ERC2: variants seen among roughly 807,000 people sequenced by gnomAD.
ERC2 encodes ELKS/RAB6-interacting/CAST family member 2, also known as ERC protein 2.
In ERC2, 42 loss-of-function variants were observed where a neutral mutation model predicts 114.8. The observed-to-expected ratio is 0.37, with a 90% CI of 0.29 to 0.47. ERC2 has a LOEUF of 0.47. Ranked by LOEUF, ERC2 falls within the 20% of genes least tolerant of loss-of-function variation. ERC2 has a pLI of 0.99. For synonymous variants in ERC2, 454 were observed against 425.5 expected, an observed-to-expected ratio of 1.07 and a Z score of -0.82; for missense variants, 939 against 1,150.7, an observed-to-expected ratio of 0.82 and a Z score of 2.66.
chr3:56,070,026 T>C (rs2076656110), intron 7 of ERC2, among the ~76,000 whole-genome samples: 1 of 152,220 alleles, frequency 6.6e-6, no homozygotes, highest in African/African-American at 2.4e-5. Context: ...CACATTACCC[T>C]TACTTTACAT....
At chr3:56,344,506 C>A (rs1476209548) in intron 2 of ERC2, among the ~76,000 whole-genome samples, 2 of 152,194 alleles carry the variant, frequency 1.3e-5, no homozygotes, top group African/African-American at 4.8e-5. Context: ...GAGTTCCTCA[C>A]CCGCCACACC....
intron 14 of ERC2, among the ~76,000 whole-genome samples, chr3:55,833,877 G>C (rs1024452276): frequency 2.6e-5 from 4 of 152,110 alleles, no homozygotes; most frequent in African/African-American, 7.2e-5. Context: ...CTCATGTGCA[G>C]AGACACACAT....
intron 7 of ERC2, among the ~76,000 whole-genome samples, chr3:56,057,932 C>T (rs1327976317): frequency 6.6e-6 from 1 of 151,992 alleles, no homozygotes; most frequent in Non-Finnish European, 1.5e-5. Flanking sequence ...TATAAATATT[C>T]AAATATGAGA....
intron 17 of ERC2, among the ~76,000 whole-genome samples, chr3:55,542,296 C>T (rs1241257570): frequency 6.6e-6 from 1 of 152,064 alleles, no homozygotes; most frequent in Admixed American, 6.5e-5. Flanking sequence ...GGAACATTGC[C>T]CAAGATGGTA....
chr3:56,316,174 C>CA lies in ERC2; in HGVS notation c.658-19740dup, dbSNP rs1483336797. Among the ~76,000 whole-genome samples the CA allele has an allele frequency of 4.6e-5, 7 of 152,124 alleles. No homozygotes were observed. The East Asian group carries it at 1.4e-3, about 29-fold the overall frequency. ...TGTGGACTAGGAGAAGAGTGAGGCA[C>CA]AAAACCAGCAGAAACAAAGGCCTGC... On this transcript the variant is annotated intron_variant, in intron 2 of 17. Transcript: ENST00000288221.
At chr3:55,770,647 T>C (rs969810022) in intron 14 of ERC2, among the ~76,000 whole-genome samples, 2 of 152,220 alleles carry the variant, frequency 1.3e-5, no homozygotes, top group Non-Finnish European at 2.9e-5. Flanking sequence ...TACTTTAAGT[T>C]CTGGGATACA....
chr3:56,275,077 G>GGCC (rs2053906381), intron 3 of ERC2, among the ~76,000 whole-genome samples: 1 of 152,102 alleles, frequency 6.6e-6, no homozygotes, highest in South Asian at 2.1e-4. Flanking sequence ...AATGAGACCA[G>GGCC]TAAGAGTTCA....
intron 17 of ERC2, among the ~76,000 whole-genome samples, chr3:55,593,214 A>C (rs191058075): frequency 1.3e-5 from 2 of 152,310 alleles, no homozygotes; most frequent in East Asian, 3.9e-4. Context: ...GTGTTTTAGC[A>C]TCATCCTTGC....
At chr3:56,089,136 G>C (rs1010500969) in intron 6 of ERC2, among the ~76,000 whole-genome samples, 1 of 152,110 alleles carries the variant, frequency 6.6e-6, no homozygotes, top group African/African-American at 2.4e-5. Context: ...TTACCCAACT[G>C]GGAATAAGTC....
At chr3:55,716,906 C>T (rs1054687028) in intron 15 of ERC2, among the ~76,000 whole-genome samples, 2 of 152,112 alleles carry the variant, frequency 1.3e-5, no homozygotes, top group Non-Finnish European at 2.9e-5. Context: ...TGTTTAGGGG[C>T]CCAGGGATTC....
At chr3:55,812,096 G>A (rs1365643149) in intron 14 of ERC2, among the ~76,000 whole-genome samples, 12 of 152,158 alleles carry the variant, frequency 7.9e-5, no homozygotes, top group Admixed American at 7.9e-4. Context: ...CCACTTATAA[G>A]TGAGAACATG....
chr3:56,325,770 A>G (rs952790953), intron 2 of ERC2, among the ~76,000 whole-genome samples: 1 of 152,222 alleles, frequency 6.6e-6, no homozygotes, highest in Non-Finnish European at 1.5e-5. Flanking sequence ...CAACCACTTT[A>G]TGAAGTGGGT....
intron 3 of ERC2, among the ~76,000 whole-genome samples, chr3:56,277,888 C>T (rs937047695): frequency 2.0e-5 from 3 of 152,172 alleles, no homozygotes; most frequent in Non-Finnish European, 2.9e-5. Context: ...AGCCCCACTC[C>T]GACTCTCCCA....
chr3:55,609,661 G>A (rs1350202520), intron 17 of ERC2, among the ~76,000 whole-genome samples: 4 of 152,114 alleles, frequency 2.6e-5, no homozygotes, highest in African/African-American at 9.7e-5. Flanking sequence ...CCATTTCGAG[G>A]ATGGAATCAA....
At chr3:56,179,555 G>A (rs913249350) in intron 3 of ERC2, among the ~76,000 whole-genome samples, 1 of 152,102 alleles carries the variant, frequency 6.6e-6, no homozygotes, top group Non-Finnish European at 1.5e-5. Context: ...TAGAACCTTG[G>A]ACCATGGTAG....
intron 13 of ERC2, among the ~76,000 whole-genome samples, chr3:55,915,204 A>G (rs763934817): frequency 6.6e-6 from 1 of 152,170 alleles, no homozygotes; most frequent in East Asian, 1.9e-4. Flanking sequence ...TTATTTCAGC[A>G]CTTTTTAAAG....
chr3:56,033,054 A>C lies in ERC2; in HGVS notation c.1642-14023T>G, dbSNP rs367652046. Reference sequence around the variant, plus strand: ...ACAGAAAGAAAGAAAGAAAGAAAGAAAGAAAGAAAGAAAGAAAGAAAGAAA... The same window carrying C: ...ACAGAAAGAAAGAAAGAAAGAAAGACAGAAAGAAAGAAAGAAAGAAAGAAA... On this transcript the variant is annotated intron_variant, in intron 7 of 17. Coordinates refer to ENST00000288221, the MANE Select transcript of ERC2 (RefSeq NM_015576.3). Among the ~76,000 whole-genome samples, 1,013 of 119,368 alleles carry C rather than the reference A, an allele frequency of 8.5e-3. 16 individuals carry two copies. The highest frequency in any genetic ancestry group is 0.012 in the Non-Finnish European group (605 of 49,830). 78.3% of individuals were successfully genotyped at this position (119,368 alleles called of 152,430 possible).
intron 9 of ERC2, among the ~76,000 whole-genome samples, chr3:56,010,033 C>A (rs746432902): frequency 2.6e-4 from 40 of 152,090 alleles, no homozygotes; most frequent in Non-Finnish European, 5.1e-4. Context: ...TTGAAAAGTA[C>A]AGATGAATGC....
intron 3 of ERC2, among the ~76,000 whole-genome samples, chr3:56,254,598 T>C (rs1007028584): frequency 6.6e-6 from 1 of 152,214 alleles, no homozygotes; most frequent in South Asian, 2.1e-4. Flanking sequence ...CATTCATTCA[T>C]TCAAATATTT....
Sources: gnomAD v4.1 joint callset for allele counts (sites outside exome capture counted in the v4.1 genomes callset) on GRCh38, gnomAD v4.1.1 for gene constraint, MANE v1.5 for transcripts, NCBI Gene and HGNC (gene_info 2026-07-23, HGNC 2026-07-21) for gene names.